Variants in WDR26 observed in about 807,000 individuals in gnomAD.
WDR26 encodes WD repeat domain 26, also known as WD repeat-containing protein 26.
Under a neutral mutation model 84.1 loss-of-function variants are expected in WDR26, and 5 were observed. The ratio of observed to expected loss-of-function variants is 0.06; its 90% confidence interval spans 0.03 to 0.13. The LOEUF (loss-of-function observed/expected upper bound fraction) is 0.13. Among genes scored for constraint, WDR26 ranks in the 10% least tolerant of loss-of-function variants. The pLI is 1.00. For synonymous variants in WDR26, 415 were observed against 389.6 expected, an observed-to-expected ratio of 1.07 and a Z score of -0.77; for missense variants, 642 against 974.9, an observed-to-expected ratio of 0.66 and a Z score of 4.55.
chr1:224,421,770 C>T (rs1040466710), intron 4 of WDR26, among the ~76,000 whole-genome samples: 5 of 151,960 alleles, frequency 3.3e-5, no homozygotes, highest in African/African-American at 9.7e-5. Flanking sequence ...TCTCAAACAA[C>T]AAGAAAAAAA....
At chr1:224,400,675 A>G (rs1386423537) in intron 9 of WDR26, among the ~76,000 whole-genome samples, 2 of 152,108 alleles carry the variant, frequency 1.3e-5, no homozygotes, top group Non-Finnish European at 2.9e-5. Flanking sequence ...CCTCCCGAGT[A>G]GCTGGGATTA....
chr1:224,423,174 T>G (rs1674113846), intron 4 of WDR26, among the ~76,000 whole-genome samples: 1 of 152,240 alleles, frequency 6.6e-6, no homozygotes, highest in Admixed American at 6.5e-5. Flanking sequence ...AAATTTTCTT[T>G]ATATAAAATC....
Position 224,389,492 on chromosome 1 carries a change from G to A in WDR26, c.*343C>T. 2.0e-6 allele frequency: 1 copy of A among 501,332 alleles called. No individual in the cohort carries two copies. Among genetic ancestry groups the A allele is most frequent in the Non-Finnish European group, 3.5e-6 (1 of 289,810 alleles). 31.1% of individuals were successfully genotyped at this position (501,332 alleles called of 1,614,324 possible). A position where few individuals can be genotyped will look rare whatever the true frequency, so the allele number is the denominator to read the frequency against. On this transcript the variant is annotated 3_prime_UTR_variant, in exon 14 of 14. Coordinates refer to ENST00000414423, the MANE Select transcript of WDR26 (RefSeq NM_001379403.1). The stretch of plus-strand genomic sequence containing the variant: ...ACAAGCATTTAAACTTCATTACACA[G>A]AAGAGCAACAAGAATGGTATCCTGC...
intron 6 of WDR26, chr1:224,412,917 G>A (rs1213125061): frequency 1.3e-5 from 2 of 152,928 alleles, no homozygotes; most frequent in East Asian, 1.9e-4. Context: ...GGCTGGGCAT[G>A]GTGGCTCACA....
At chr1:224,416,462 G>A (rs780369923) in intron 6 of WDR26, among the ~76,000 whole-genome samples, 2 of 152,012 alleles carry the variant, frequency 1.3e-5, no homozygotes, top group Admixed American at 1.3e-4. Flanking sequence ...TCCTGACCTC[G>A]TGATCCACCC....
chr1:224,420,316 T>A (rs1206079782), intron 4 of WDR26, among the ~76,000 whole-genome samples: 1 of 152,202 alleles, frequency 6.6e-6, no homozygotes, highest in Non-Finnish European at 1.5e-5. Flanking sequence ...GCTGGGAGTG[T>A]GACCCTGACC....
chr1:224,423,144 A>C (rs1439973808), intron 4 of WDR26, among the ~76,000 whole-genome samples: 4 of 152,182 alleles, frequency 2.6e-5, no homozygotes, highest in Admixed American at 1.3e-4. Context: ...TAGTTCTAAG[A>C]GTTTTTTAGT....
intron 3 of WDR26, 143 bp from the exon 4 acceptor site, chr1:224,424,797 T>C: frequency 9.3e-7 from 1 of 1,079,554 alleles, no homozygotes; most frequent in Non-Finnish European, 1.3e-6. Context: ...ACTCAAAATA[T>C]TTTAGTTTAG....
rs1252464166 is a variant in WDR26, at chr1:224,386,150, A to G, written c.*3685T>C. ...TCAATTAAGTTCACCCTGTTTTTAG[A>G]AAGTGTCTAAGTGTAAATGCAAATT... On this transcript the variant is annotated 3_prime_UTR_variant, in exon 14 of 14. Transcript: ENST00000414423. 1 of 152,616 alleles carries G rather than the reference A, an allele frequency of 6.6e-6. No individual in the cohort carries two copies. Among genetic ancestry groups the G allele is most frequent in the Non-Finnish European group, 1.5e-5 (1 of 68,012 alleles). The allele number at this position is 152,616 out of a possible 1,614,324, so 9.5% of individuals were successfully genotyped here.
At chr1:224,404,304 C>T (rs1673495618) in intron 8 of WDR26, 126 bp downstream of exon 8, 2 of 1,140,986 alleles carry the variant, frequency 1.8e-6, no homozygotes, top group Non-Finnish European at 2.3e-6. Flanking sequence ...ACTTGAATAA[C>T]TAAGAGATAC....
At chr1:224,393,519 T>A (rs1673179661) in intron 13 of WDR26, among the ~76,000 whole-genome samples, 1 of 152,210 alleles carries the variant, frequency 6.6e-6, no homozygotes, top group African/African-American at 2.4e-5. Flanking sequence ...ATATTACGTT[T>A]AGGTAGCATG....
At position 224,433,813 on chromosome 1, in the gene WDR26, G is replaced by A. The variant is rs986623079; in HGVS notation, c.593C>T (p.Thr198Ile). ...GGCCAAGGAAGAGGAGGCGGCGGTG[G>A]TGGCGGAGGCAGCTGCGACGGTGGC... The change falls in exon 1 of 14, where the codon ACC becomes ATC. Residue 198 changes from threonine to isoleucine, a missense_variant. Physicochemically the swap from Thr to Ile is moderately conservative, Grantham distance 89. Coordinates refer to ENST00000414423, the MANE Select transcript of WDR26 (RefSeq NM_001379403.1). The A allele has an allele frequency of 6.5e-7, 1 of 1,536,974 alleles. No individual in the cohort carries two copies. The highest frequency in any genetic ancestry group is 1.4e-5 in the African/African-American group (1 of 73,156).
chr1:224,433,909 G>C lies in WDR26; in HGVS notation c.497C>G (p.Ala166Gly). 1 of 1,536,666 alleles carries C rather than the reference G, an allele frequency of 6.5e-7. No individual in the cohort carries two copies. The highest frequency in any genetic ancestry group is 8.7e-7 in the Non-Finnish European group (1 of 1,146,706). ...CAGGCTGTTGCTATTGTTGCTGGCG[G>C]CGGAGGGGGCGGAAGGCAGGAGCCC... The change falls in exon 1 of 14, where the codon GCC (alanine) becomes GGC (glycine). Residue 166 changes from alanine to glycine, a missense_variant. Around this residue, in one of 2 missense-constraint regions of WDR26, gnomAD observed 291 missense variants for 302.1 expected, o/e 0.96. Transcript: ENST00000414423.
chr1:224,403,734 C>T (rs941404846), intron 8 of WDR26, among the ~76,000 whole-genome samples: 14 of 152,284 alleles, frequency 9.2e-5, no homozygotes, highest in African/African-American at 3.1e-4. Context: ...GTGAAGAGTT[C>T]GAGACTAGCC....
At chr1:224,411,388 C>G in intron 7 of WDR26, 39 bp downstream of exon 7, 1 of 1,543,954 alleles carries the variant, frequency 6.5e-7, no homozygotes, top group East Asian at 2.3e-5. Flanking sequence ...TCAAAATTAT[C>G]CCCTTTTGTA....
Position 224,433,761 on chromosome 1 carries a change from C to T in WDR26, c.645G>A (p.Lys215=). Residue 215 remains lysine, a synonymous_variant, in exon 1 of 14, where the codon AAG becomes AAA. Transcript: ENST00000414423. ...CTGACTGGGAGAGCCGCTTCTTCTT[C>T]TTGAGGCTGCTGCCCAGTTCTGGGG... 1 of 1,536,530 alleles carries T rather than the reference C, an allele frequency of 6.5e-7. No homozygotes were observed.
At chr1:224,394,454 C>T (rs763467040) in intron 12 of WDR26, among the ~76,000 whole-genome samples, 1 of 151,666 alleles carries the variant, frequency 6.6e-6, no homozygotes, top group Non-Finnish European at 1.5e-5. Context: ...GTACTTAATG[C>T]ATATTATTTA....
In WDR26 at chr1:224,400,969, C is replaced by T. The variant is rs1309047906; in HGVS notation, c.1700G>A (p.Arg567His). ...ACTTACACACTGATAGAACTGCCCA[C>T]GCTGACCTCCAGTCACAAAGCGCTT... Residue 567 changes from arginine to histidine, a missense_variant, in exon 9 of 14, where the codon CGT becomes CAT. Physicochemically the swap from Arg to His is conservative, Grantham distance 29. Coordinates refer to ENST00000414423, the MANE Select transcript of WDR26 (RefSeq NM_001379403.1). 3 of 1,613,974 alleles carry T rather than the reference C, an allele frequency of 1.9e-6. No individual in the cohort carries two copies. The highest frequency in any genetic ancestry group is 2.5e-6 in the Non-Finnish European group (3 of 1,179,942).
intron 13 of WDR26, among the ~76,000 whole-genome samples, chr1:224,391,502 T>C (rs1388929595): frequency 3.3e-5 from 5 of 152,188 alleles, no homozygotes; most frequent in East Asian, 1.9e-4. Flanking sequence ...AAATGACTTA[T>C]AGTATTTTAC....
Sources: allele counts gnomAD v4.1 joint callset (sites outside exome capture counted in the v4.1 genomes callset), GRCh38; gene constraint gnomAD v4.1.1; regional missense constraint gnomAD v4.1.1; transcripts MANE v1.5; gene names NCBI Gene and HGNC (gene_info 2026-07-23, HGNC 2026-07-21).